Variants in FDFT1 observed in about 807,000 individuals in gnomAD.
FDFT1 encodes the protein squalene synthase.
In FDFT1, 68 loss-of-function variants were observed where a neutral mutation model predicts 46.8. The observed-to-expected ratio is 1.45, with a 90% CI of 1.19 to 1.78. The LOEUF is 1.78. Among genes scored for constraint, FDFT1 ranks in the 40% most tolerant of loss-of-function variants. The pLI is 0.00. For missense variants in FDFT1, 928 were observed against 524.4 expected, an observed-to-expected ratio of 1.77 and a Z score of -7.52; for synonymous variants, 351 against 185.1, an observed-to-expected ratio of 1.90 and a Z score of -7.28.
At chr8:11,833,343 A>G (rs1331583134) in intron 7 of FDFT1, among the ~76,000 whole-genome samples, 4 of 152,204 alleles carry the variant, frequency 2.6e-5, no homozygotes, top group Non-Finnish European at 4.4e-5. Flanking sequence ...ATCAGAATCC[A>G]TGATGTTAAC....
At chr8:11,819,118 G>A (rs944368146) in intron 3 of FDFT1, among the ~76,000 whole-genome samples, 2 of 152,152 alleles carry the variant, frequency 1.3e-5, no homozygotes, top group Non-Finnish European at 2.9e-5. Flanking sequence ...GTGAAACTTA[G>A]TTTGGCTGGT....
upstream of FDFT1, among the ~76,000 whole-genome samples, chr8:11,799,735 C>T (rs557113714): frequency 6.6e-6 from 1 of 151,708 alleles, no homozygotes; most frequent in South Asian, 2.1e-4. Context: ...ATCACGAGGT[C>T]AAGAGATTGA....
At chr8:11,808,444 C>T (rs531845460) in intron 1 of FDFT1, 8 of 1,270,962 alleles carry the variant, frequency 6.3e-6, no homozygotes, top group South Asian at 3.1e-5. Context: ...GCGAGCCCGT[C>T]CCGCCCCTCG....
chr8:11,838,440 T>A lies in FDFT1; in HGVS notation c.1085T>A (p.Ile362Asn), dbSNP rs1055368069. ...CCATCTTCTAGCAAAACAAGGCAGA[T>A]CATCTCCACCATCCGGACGCAGAAT... ...SDPSSSKTRQ[I>N]ISTIRTQNLP... The change falls in exon 8 of 8, where the codon ATC becomes AAC. Residue 362 changes from isoleucine to asparagine, a missense_variant. Physicochemically the swap from Ile to Asn is moderately radical, Grantham distance 149. Coordinates refer to ENST00000220584, the MANE Select transcript of FDFT1 (RefSeq NM_004462.5). 1 of 1,611,788 alleles carries A rather than the reference T, an allele frequency of 6.2e-7. No homozygotes were observed. Among genetic ancestry groups the A allele is most frequent in the South Asian group, 1.1e-5 (1 of 90,672 alleles).
chr8:11,832,991 C>T (rs993460458), intron 7 of FDFT1, among the ~76,000 whole-genome samples: 1 of 152,166 alleles, frequency 6.6e-6, no homozygotes, highest in African/African-American at 2.4e-5. Context: ...TTTCTGATTT[C>T]TCTTGCATAT....
intron 2 of FDFT1, 22 bp from the exon 3 acceptor site, chr8:11,809,645 A>C (rs781396737): frequency 3.8e-6 from 6 of 1,573,318 alleles, no homozygotes; most frequent in Non-Finnish European, 5.2e-6. Context: ...CCAATATATT[A>C]ATAGTTTTCC....
rs1490415413 is a variant in FDFT1 at position 11,809,684 on chromosome 8, T to A, written c.215T>A (p.Phe72Tyr). The A allele has an allele frequency of 1.2e-6, 2 of 1,612,884 alleles. No homozygotes were observed. Among genetic ancestry groups the A allele is most frequent in the African/African-American group, 1.3e-5 (1 of 74,844 alleles). The change falls in exon 3 of 8, where the codon TTT (phenylalanine) becomes TAT (tyrosine). Residue 72 changes from phenylalanine (F) to tyrosine (Y), a missense_variant. Transcript: ENST00000220584. ...TTTTACAGCAACGCAGTGTGCATAT[T>A]TTATCTGGTTCTCCGAGCTCTGGAC... ...DGEMRNAVCI[F>Y]YLVLRALDTL...
At chr8:11,804,005 C>G (rs374312501) in intron 1 of FDFT1, among the ~76,000 whole-genome samples, 3 of 152,178 alleles carry the variant, frequency 2.0e-5, no homozygotes, top group East Asian at 3.8e-4. Flanking sequence ...GCAGATGTCA[C>G]TTTTTATATT....
intron 4 of FDFT1, among the ~76,000 whole-genome samples, chr8:11,824,984 C>T (rs1563327781): frequency 6.6e-6 from 1 of 152,140 alleles, no homozygotes; most frequent in Non-Finnish European, 1.5e-5. Context: ...ATCCGCCCGT[C>T]TCAGCTTCCC....
chr8:11,811,465 A>G (rs1194775839), intron 3 of FDFT1, among the ~76,000 whole-genome samples: 4 of 152,242 alleles, frequency 2.6e-5, no homozygotes, highest in Non-Finnish European at 4.4e-5. Context: ...AGGCAGCCCT[A>G]TCCCCTCAGC....
chr8:11,830,262 A>G lies in FDFT1; in HGVS notation c.721A>G (p.Lys241Glu), dbSNP rs762068425. 3.1e-6 allele frequency: 5 copies of G among 1,613,754 alleles called. No homozygotes were observed. Among genetic ancestry groups the G allele is most frequent in the Middle Eastern group, 1.6e-4 (1 of 6,084 alleles). ...WPQEVWSRYVKKLGDFAKPEN... is the reference protein window; with the variant it reads ...WPQEVWSRYVEKLGDFAKPEN... ...TGTCTAGGTTTGGAGCAGGTATGTT[A>G]AGAAGTTAGGGGATTTTGCTAAGCC... Residue 241 changes from lysine to glutamate, a missense_variant, in exon 6 of 8, where the codon AAG becomes GAG. Physicochemically the swap from Lys to Glu is moderately conservative, Grantham distance 56. Coordinates refer to ENST00000220584, the MANE Select transcript of FDFT1 (RefSeq NM_004462.5).
At chr8:11,826,463 C>T (rs886892991) in intron 5 of FDFT1, among the ~76,000 whole-genome samples, 3 of 152,128 alleles carry the variant, frequency 2.0e-5, no homozygotes, top group African/African-American at 2.4e-5. Context: ...GGTCTTTCTC[C>T]AAGTGGTGGA....
chr8:11,799,296 TG>T (rs1351695479), upstream of FDFT1, among the ~76,000 whole-genome samples: 1 of 152,252 alleles, frequency 6.6e-6, no homozygotes, highest in Admixed American at 6.5e-5. Flanking sequence ...TAGTTATGGC[TG>T]GTGGAACAGG....
At chr8:11,807,060 C>T (rs1045913815) in intron 1 of FDFT1, among the ~76,000 whole-genome samples, 1 of 151,278 alleles carries the variant, frequency 6.6e-6, no homozygotes, top group Non-Finnish European at 1.5e-5. Context: ...AAACCTCCCA[C>T]CAGAGCCCAG....
At chr8:11,819,320 C>T (rs897793978) in intron 3 of FDFT1, among the ~76,000 whole-genome samples, 5 of 152,104 alleles carry the variant, frequency 3.3e-5, no homozygotes, top group African/African-American at 7.2e-5. Flanking sequence ...CTGACAATTA[C>T]GTATCTTGGG....
intron 7 of FDFT1, among the ~76,000 whole-genome samples, chr8:11,835,672 G>A (rs925297595): frequency 9.2e-5 from 14 of 152,196 alleles, no homozygotes; most frequent in African/African-American, 3.1e-4. Context: ...AAGTACAACA[G>A]GCTAACAAAG....
At position 11,809,927 on chromosome 8, in the gene FDFT1, C is replaced by G. The variant is rs1163317473; in HGVS notation, c.381+77C>G. 5 of 1,126,008 alleles carry G rather than the reference C, an allele frequency of 4.4e-6. No homozygotes were observed. In the African/African-American group the frequency reaches 7.8e-5, roughly 17 times the overall value. 69.8% of individuals were successfully genotyped at this position (1,126,008 alleles called of 1,614,324 possible). ...ACGTGGTTGTCCGGTAGCCTCCATACATGTGGAGAAAGGTTAAATAAGCAT... is the reference window on the plus strand; with the variant it reads ...ACGTGGTTGTCCGGTAGCCTCCATAGATGTGGAGAAAGGTTAAATAAGCAT... On this transcript the variant is annotated intron_variant, in intron 3 of 7. Coordinates refer to ENST00000220584, the MANE Select transcript of FDFT1 (RefSeq NM_004462.5).
At position 11,839,056 on chromosome 8, in the gene FDFT1, G is replaced by T. The variant is rs150338237; in HGVS notation, c.*447G>T. On this transcript the variant is annotated 3_prime_UTR_variant, in exon 8 of 8. Coordinates refer to ENST00000220584, the MANE Select transcript of FDFT1 (RefSeq NM_004462.5). ...TCATCATTTTGTTTTCTTTAATTGG[G>T]TTGAATGGAGTAGATAGAAATATTT... The T allele has an allele frequency of 5.2e-3, 879 of 170,630 alleles. 7 individuals are homozygous for T. The highest frequency in any genetic ancestry group is 0.022 in the South Asian group (171 of 7,776). 10.6% of individuals were successfully genotyped at this position (170,630 alleles called of 1,614,324 possible).
intron 3 of FDFT1, among the ~76,000 whole-genome samples, chr8:11,820,545 A>T (rs1168932043): frequency 6.6e-6 from 1 of 152,216 alleles, no homozygotes; most frequent in Non-Finnish European, 1.5e-5. Flanking sequence ...CACTGTGAGC[A>T]TAGAAGTGCG....
Sources: gnomAD v4.1 joint callset for allele counts (sites outside exome capture counted in the v4.1 genomes callset) on GRCh38, gnomAD v4.1.1 for gene constraint, MANE v1.5 for transcripts, NCBI Gene and HGNC (gene_info 2026-07-23, HGNC 2026-07-21) for gene names.